MAP3K3: variants seen among roughly 807,000 people sequenced by gnomAD.
MAP3K3 encodes the protein MAP/ERK kinase kinase 3.
MAP3K3 carries 12 observed loss-of-function variants against 80.9 expected under a neutral mutation model. The observed-to-expected ratio is 0.15, with a 90% CI of 0.10 to 0.24. The LOEUF is 0.24. Among genes scored for constraint, MAP3K3 ranks in the 10% least tolerant of loss-of-function variants. The pLI is 1.00. For synonymous variants in MAP3K3, 272 were observed against 307.1 expected, an observed-to-expected ratio of 0.89 and a Z score of 1.19; for missense variants, 596 against 834.7, an observed-to-expected ratio of 0.71 and a Z score of 3.52.
At chr17:63,628,530 T>C (rs1322420437) in intron 1 of MAP3K3, among the ~76,000 whole-genome samples, 2 of 152,058 alleles carry the variant, frequency 1.3e-5, no homozygotes, top group Non-Finnish European at 2.9e-5. Flanking sequence ...CCAGCTAATT[T>C]TGTAGTTTTA....
intron 5 of MAP3K3, among the ~76,000 whole-genome samples, chr17:63,662,672 T>C (rs2034917628): frequency 6.9e-6 from 1 of 144,918 alleles, no homozygotes; most frequent in Non-Finnish European, 1.5e-5. Context: ...TTTTTTTTTT[T>C]TTTGGGATGG....
At chr17:63,680,349 C>T (rs540353255) in intron 6 of MAP3K3, among the ~76,000 whole-genome samples, 1 of 152,220 alleles carries the variant, frequency 6.6e-6, no homozygotes, top group South Asian at 2.1e-4. Flanking sequence ...TAAATTTGTT[C>T]CCTTCAGAAC....
Position 63,694,536 on chromosome 17 carries a change from A to T in MAP3K3, c.*759A>T, listed in dbSNP as rs1219680532. ...CACTCTTATGCTGTACCCAGTTTCTAAACTGGAGACTGTGTGTGCCCTCTG... is the reference window on the plus strand; with the variant it reads ...CACTCTTATGCTGTACCCAGTTTCTTAACTGGAGACTGTGTGTGCCCTCTG... On this transcript the variant is annotated 3_prime_UTR_variant, in exon 16 of 16. Transcript: ENST00000361733. The T allele has an allele frequency of 1.3e-5, 2 of 152,782 alleles. No homozygotes were observed. Among genetic ancestry groups the T allele is most frequent in the South Asian group, 4.1e-4 (2 of 4,834 alleles). The allele number at this position is 152,782 out of a possible 1,614,324, so 9.5% of individuals were successfully genotyped here. A position where few individuals can be genotyped will look rare whatever the true frequency, so the allele number is the denominator to read the frequency against.
rs1188948771 is a variant in MAP3K3 at position 63,692,118 on chromosome 17, A to T, written c.1475-124A>T. 5 of 1,149,134 alleles carry T rather than the reference A, an allele frequency of 4.4e-6. No individual in the cohort carries two copies. Among genetic ancestry groups the T allele is most frequent in the Non-Finnish European group, 6.3e-6 (5 of 791,656 alleles). The allele number at this position is 1,149,134 out of a possible 1,614,324, so 71.2% of individuals were successfully genotyped here. A position where few individuals can be genotyped will look rare whatever the true frequency, so the allele number is the denominator to read the frequency against. The stretch of plus-strand genomic sequence containing the variant: ...CTTTGCTAAATCCTTTGCCCTTTGC[A>T]GTTCATGTCTAATTCAGTGGTAGCC... On this transcript the variant is annotated intron_variant, in intron 14 of 15. Coordinates refer to ENST00000361733, the MANE Select transcript of MAP3K3 (RefSeq NM_002401.5). This position sits in a 1 kb window ranked among gnomAD's most constrained non-coding sequence, Gnocchi z 4.5.
At chr17:63,681,704 C>T in intron 6 of MAP3K3, 62 bp from the exon 7 acceptor site, 1 of 1,346,410 alleles carries the variant, frequency 7.4e-7, no homozygotes, top group Non-Finnish European at 9.7e-7. Context: ...GGCCCCATGC[C>T]TGCTCCTCTT....
chr17:63,644,094 T>C (rs995986855), intron 2 of MAP3K3, among the ~76,000 whole-genome samples: 2 of 152,196 alleles, frequency 1.3e-5, no homozygotes, highest in Non-Finnish European at 2.9e-5. Flanking sequence ...AATTAATATA[T>C]GTAAACATGC....
chr17:63,685,500 T>C lies in MAP3K3; in HGVS notation c.637-17T>C, dbSNP rs1303220656. The C allele has an allele frequency of 2.5e-6, 4 of 1,611,346 alleles. No individual in the cohort carries two copies. The Admixed American group carries it at 6.7e-5, about 27-fold the overall frequency. Reference sequence around the variant, plus strand: ...TGGGGCTGGGGGTGTGGCTTCATTGTTTGACTTGCCTTACAGATGCTGGAT... The same window carrying C: ...TGGGGCTGGGGGTGTGGCTTCATTGCTTGACTTGCCTTACAGATGCTGGAT... On this transcript the variant is annotated splice_polypyrimidine_tract_variant and intron_variant, in intron 7 of 15. Transcript: ENST00000361733.
At chr17:63,646,013 G>A (rs754210174) in intron 2 of MAP3K3, 21 bp from the exon 3 acceptor site, 3 of 1,610,870 alleles carry the variant, frequency 1.9e-6, no homozygotes, top group Non-Finnish European at 2.5e-6. Flanking sequence ...TCTCTAACCT[G>A]TCTATCATTC....
chr17:63,689,321 T>G lies in MAP3K3; in HGVS notation c.872-223T>G, dbSNP rs1303431328. 1 of 572,326 alleles carries G rather than the reference T, an allele frequency of 1.7e-6. No individual in the cohort carries two copies. Among genetic ancestry groups the G allele is most frequent in the African/African-American group, 1.9e-5 (1 of 53,324 alleles). 35.5% of individuals were successfully genotyped at this position (572,326 alleles called of 1,614,324 possible). On this transcript the variant is annotated intron_variant, in intron 10 of 15. Transcript: ENST00000361733. The surrounding 1 kb of genome is among the most constrained non-coding windows in gnomAD (Gnocchi z 4.3). ...AACCAGACTACTTCCTAATTTCTGC[T>G]TTTGTCCTGATTCTTGGAGTGCTTG...
At chr17:63,675,573 A>G (rs1031698516) in intron 6 of MAP3K3, among the ~76,000 whole-genome samples, 2 of 152,214 alleles carry the variant, frequency 1.3e-5, no homozygotes, top group Non-Finnish European at 2.9e-5. Flanking sequence ...TCTTTGGGTT[A>G]AGGAGGCTGG....
chr17:63,645,019 T>C (rs986215110), intron 2 of MAP3K3, among the ~76,000 whole-genome samples: 7 of 152,238 alleles, frequency 4.6e-5, no homozygotes, highest in African/African-American at 1.7e-4. Flanking sequence ...CCTTTTGCAA[T>C]ATCTCTTCCT....
At position 63,691,050 on chromosome 17, in the gene MAP3K3, C is replaced by G; in HGVS notation, c.1213-52C>G. The G allele has an allele frequency of 6.2e-7, 1 of 1,607,902 alleles. No individual in the cohort carries two copies. Among genetic ancestry groups the G allele is most frequent in the Non-Finnish European group, 8.5e-7 (1 of 1,176,872 alleles). On this transcript the variant is annotated intron_variant, in intron 12 of 15. Coordinates refer to ENST00000361733, the MANE Select transcript of MAP3K3 (RefSeq NM_002401.5). The surrounding 1 kb of genome is among the most constrained non-coding windows in gnomAD (Gnocchi z 4.8). ...TAGGGCAAGCTGAGCTGAACCCAGG[C>G]GGGCAGAACTAGGGCCCTGAGAGCT...
intron 3 of MAP3K3, among the ~76,000 whole-genome samples, chr17:63,647,723 T>G (rs1347839688): frequency 6.6e-6 from 1 of 152,192 alleles, no homozygotes; most frequent in Non-Finnish European, 1.5e-5. Flanking sequence ...CTTTATAAAG[T>G]TGGTGCAGGG....
At chr17:63,635,368 A>G (rs2034302122) in intron 2 of MAP3K3, among the ~76,000 whole-genome samples, 1 of 152,228 alleles carries the variant, frequency 6.6e-6, no homozygotes, top group African/African-American at 2.4e-5. Context: ...ATGTGGAACT[A>G]GAACAGCTGT....
At chr17:63,681,393 G>T (rs967360918) in intron 6 of MAP3K3, among the ~76,000 whole-genome samples, 2 of 152,168 alleles carry the variant, frequency 1.3e-5, no homozygotes, top group African/African-American at 2.4e-5. Flanking sequence ...GAGCTGATGG[G>T]AGGAAATGGC....
rs1024971705 is a variant in MAP3K3, at chr17:63,636,955, G to A, written c.126+4153G>A. 3 of 596,212 alleles carry A rather than the reference G, an allele frequency of 5.0e-6. 1 individual carries two copies. The highest frequency in any genetic ancestry group is 9.7e-6 in the Non-Finnish European group (3 of 310,492). The allele number at this position is 596,212 out of a possible 1,614,324, so 36.9% of individuals were successfully genotyped here. A position where few individuals can be genotyped will look rare whatever the true frequency, so the allele number is the denominator to read the frequency against. On this transcript the variant is annotated intron_variant, in intron 2 of 15. Coordinates refer to ENST00000361733, the MANE Select transcript of MAP3K3 (RefSeq NM_002401.5). ...CCAGCTGGACGGGCTGGTCTAGGGGGGCCTCCAAGCTGGTGCCCATGGGCT... is the reference window on the plus strand; with the variant it reads ...CCAGCTGGACGGGCTGGTCTAGGGGAGCCTCCAAGCTGGTGCCCATGGGCT...
rs1420251435 is a variant in MAP3K3, at chr17:63,670,647, G to A, written c.502+3587G>A. Among the ~76,000 whole-genome samples the A allele has an allele frequency of 2.6e-5, 4 of 151,892 alleles. No individual in the cohort carries two copies. In the East Asian group the frequency reaches 7.7e-4, roughly 29 times the overall value. Reference sequence around the variant, plus strand: ...AAATGGTGGGCTATAACTAAGGGATGGGACCTGATCCTGATCTTGGGGCCA... The same window carrying A: ...AAATGGTGGGCTATAACTAAGGGATAGGACCTGATCCTGATCTTGGGGCCA... On this transcript the variant is annotated intron_variant, in intron 6 of 15. Coordinates refer to ENST00000361733, the MANE Select transcript of MAP3K3 (RefSeq NM_002401.5).
At chr17:63,686,361 C>A (rs1328214557) in intron 8 of MAP3K3, among the ~76,000 whole-genome samples, 1 of 152,220 alleles carries the variant, frequency 6.6e-6, no homozygotes, top group Non-Finnish European at 1.5e-5. Context: ...TGAGCACTGT[C>A]TTCCCTTTAG....
chr17:63,626,486 A>C (rs536136105), intron 1 of MAP3K3, among the ~76,000 whole-genome samples: 1 of 152,382 alleles, frequency 6.6e-6, no homozygotes, highest in Non-Finnish European at 1.5e-5. Flanking sequence ...TATGAGGAAT[A>C]AATGGCCTAC....
Sources: allele counts gnomAD v4.1 joint callset (sites outside exome capture counted in the v4.1 genomes callset), GRCh38; gene constraint gnomAD v4.1.1; non-coding constraint Gnocchi (gnomAD v3.1); transcripts MANE v1.5; gene names NCBI Gene and HGNC (gene_info 2026-07-23, HGNC 2026-07-21).